DHX34: variants seen among roughly 807,000 people sequenced by gnomAD.
The protein encoded by DHX34 is DExH-box helicase 34, also known as probable ATP-dependent RNA helicase DHX34.
In DHX34, 96 loss-of-function variants were observed where a neutral mutation model predicts 111.1. That is an observed-to-expected ratio of 0.86 (90% CI 0.73 to 1.02). DHX34 has a LOEUF of 1.02. Ranked by LOEUF, DHX34 falls within the 50% of genes least tolerant of loss-of-function variation. The pLI, the probability that DHX34 is intolerant of heterozygous loss-of-function variation, is 0.00. For missense variants in DHX34, 1,560 were observed against 1,579.9 expected (o/e 0.99, Z 0.21); for synonymous variants, 688 against 670.4 (o/e 1.03, Z -0.41).
chr19:47,372,786 G>C lies in DHX34; in HGVS notation c.1825G>C (p.Ala609Pro). The change falls in exon 8 of 17, where the codon GCA becomes CCA. Residue 609 changes from alanine (A) to proline (P), a missense_variant. Ala to Pro is a conservative substitution (Grantham distance 27). Transcript: ENST00000328771. The part of the protein sequence containing the change: ...FSLVEPVLTI[A>P]AALSVQSPFT... The stretch of plus-strand genomic sequence containing the variant: ...CCTGGTGGAGCCTGTGCTCACCATC[G>C]CAGCCGCACTTAGCGTCCAGTCGCC... The C allele has an allele frequency of 6.2e-7, 1 of 1,612,586 alleles. No homozygotes were observed. The highest frequency in any genetic ancestry group is 8.5e-7 in the Non-Finnish European group (1 of 1,179,414).
intron 7 of DHX34, 187 bp from the exon 8 acceptor site, chr19:47,372,542 CA>C: frequency 1.1e-6 from 1 of 948,924 alleles, no homozygotes; most frequent in Non-Finnish European, 1.3e-6. Context: ...GGCCCTTGCC[CA>C]TGGCCACGTG....
Position 47,377,204 on chromosome 19 carries a change from C to T in DHX34, c.2704C>T (p.Gln902Ter). The change falls in exon 13 of 17, where the codon CAG becomes TAG. Residue 902 changes from glutamine to a stop codon, truncating the protein, a stop_gained and splice_region_variant. Coordinates refer to ENST00000328771, the MANE Select transcript of DHX34 (RefSeq NM_014681.6). LOFTEE classifies it high-confidence loss of function. ...GAACTGCGTCCGCATCCCTGCCCTCCAGGTGGGCCTCTGCCCCACCCCGCC... is the reference window on the plus strand; with the variant it reads ...GAACTGCGTCCGCATCCCTGCCCTCTAGGTGGGCCTCTGCCCCACCCCGCC... Reference protein sequence around the residue: ...LVNCVRIPALQSLLLFSRSLD... With the variant: ...LVNCVRIPAL 6.2e-7 allele frequency: 1 copy of T among 1,612,644 alleles called. No individual in the cohort carries two copies. Among genetic ancestry groups the T allele is most frequent in the Non-Finnish European group, 8.5e-7 (1 of 1,179,392 alleles).
intron 6 of DHX34, 140 bp from the exon 7 acceptor site, chr19:47,366,841 T>A: frequency 7.4e-7 from 1 of 1,356,338 alleles, no homozygotes; most frequent in Non-Finnish European, 9.5e-7. Context: ...TTCAAAGTGC[T>A]GGGATTACAG....
At chr19:47,378,217 C>T (rs1201752340) in intron 13 of DHX34, among the ~76,000 whole-genome samples, 1 of 152,172 alleles carries the variant, frequency 6.6e-6, no homozygotes, top group Non-Finnish European at 1.5e-5. Flanking sequence ...GCCACCAACA[C>T]CACAAAAGCC....
In DHX34 at chr19:47,375,941, T is replaced by A; in HGVS notation, c.2325T>A (p.Leu775=). The change falls in exon 11 of 17, where the codon CTT becomes CTA. Residue 775 remains leucine (L), a synonymous_variant. Coordinates refer to ENST00000328771, the MANE Select transcript of DHX34 (RefSeq NM_014681.6). The stretch of plus-strand genomic sequence containing the variant: ...CCCCCCAGGATGTGAAGTTCAAGCT[T>A]CGGCATGACCTGGCGCAGCTGCAGG... ...GVDIQDVKFK[L]RHDLAQLQAA... 14 of 1,602,042 alleles carry A rather than the reference T, an allele frequency of 8.7e-6. No homozygotes were observed. Among genetic ancestry groups the A allele is most frequent in the Non-Finnish European group, 1.2e-5 (14 of 1,177,244 alleles).
chr19:47,358,149 C>CGG, intron 4 of DHX34, 29 bp downstream of exon 4: 4 of 1,592,788 alleles, frequency 2.5e-6, no homozygotes, highest in Non-Finnish European at 3.4e-6. Flanking sequence ...GTGGGGCAGG[C>CGG]GGGGGGTCTG....
intron 14 of DHX34, 127 bp downstream of exon 14, chr19:47,380,112 C>A: frequency 7.1e-7 from 1 of 1,409,854 alleles, no homozygotes; most frequent in Non-Finnish European, 9.4e-7. Flanking sequence ...TTTCAGGCCA[C>A]AGAGGTTCAG....
At chr19:47,355,476 T>C in intron 3 of DHX34, 126 bp downstream of exon 3, 11 of 1,396,572 alleles carry the variant, frequency 7.9e-6, no homozygotes, top group Non-Finnish European at 8.7e-6. Flanking sequence ...TCTCTTTTTT[T>C]AAAGCTACCA....
rs1455755128 is a variant in DHX34 at position 47,353,873 on chromosome 19, A to G, written c.705+138A>G. ...ATGATTCTTCTAGAACTTTATCCAC[A>G]GAGTGGCTTGTCTGTGGTCTACATG... On this transcript the variant is annotated intron_variant, in intron 2 of 16. Transcript: ENST00000328771. The surrounding 1 kb of genome is among the most constrained non-coding windows in gnomAD (Gnocchi z 4.6). 3.5e-6 allele frequency: 3 copies of G among 864,974 alleles called. No individual in the cohort carries two copies. Among genetic ancestry groups the G allele is most frequent in the East Asian group, 2.7e-5 (1 of 37,112 alleles). The allele number at this position is 864,974 out of a possible 1,614,324, so 53.6% of individuals were successfully genotyped here.
chr19:47,382,359 TTCC>T lies in DHX34; in HGVS notation c.*248_*250del. On this transcript the variant is annotated 3_prime_UTR_variant, in exon 17 of 17. Transcript: ENST00000328771. ...CCTCCCCAGGGTCTAGCTTTCCTTC[TTCC>T]TGCTGCAGGGTGCTGCCTGAGGGGT... 1 of 636,334 alleles carries T rather than the reference TTCC, an allele frequency of 1.6e-6. No individual in the cohort carries two copies. Among genetic ancestry groups the T allele is most frequent in the Non-Finnish European group, 2.5e-6 (1 of 404,286 alleles). The allele number at this position is 636,334 out of a possible 1,614,324, so 39.4% of individuals were successfully genotyped here. A position where few individuals can be genotyped will look rare whatever the true frequency, so the allele number is the denominator to read the frequency against.
At chr19:47,376,734 CA>C in intron 12 of DHX34, 174 bp downstream of exon 12, 2 of 1,425,910 alleles carry the variant, frequency 1.4e-6, no homozygotes, top group Non-Finnish European at 1.9e-6. Flanking sequence ...TTGGGTGACT[CA>C]CCCCTGCTGG....
rs767970186 is a variant in DHX34 at position 47,381,217 on chromosome 19, G to A, written c.3191G>A (p.Arg1064Gln). The change falls in exon 16 of 17, where the codon CGA becomes CAA. Residue 1064 changes from arginine (R) to glutamine (Q), a missense_variant. Arg to Gln is a conservative substitution (Grantham distance 43). Coordinates refer to ENST00000328771, the MANE Select transcript of DHX34 (RefSeq NM_014681.6). The part of the protein sequence containing the change: ...NDTDLYSDCL[R>Q]TFWTCPHCGL... ...ACAGACCTGTACAGCGACTGTCTCC[G>A]AACCTTCTGGACCTGCCCCCACTGT... The A allele has an allele frequency of 1.7e-5, 28 of 1,614,016 alleles. No individual in the cohort carries two copies. Among genetic ancestry groups the A allele is most frequent in the Non-Finnish European group, 2.2e-5 (26 of 1,179,908 alleles).
At chr19:47,373,548 C>T (rs764250249) in intron 8 of DHX34, 51 bp from the exon 9 acceptor site, 5 of 1,587,558 alleles carry the variant, frequency 3.1e-6, no homozygotes, top group Non-Finnish European at 4.3e-6. Context: ...CAGCCCCTCC[C>T]TCCCCGCACT....
At chr19:47,356,822 G>T (rs894083808) in intron 3 of DHX34, among the ~76,000 whole-genome samples, 2 of 151,856 alleles carry the variant, frequency 1.3e-5, no homozygotes, top group Non-Finnish European at 2.9e-5. Context: ...GAGTGGTGGT[G>T]CGCCCCTGTT....
chr19:47,368,611 AATGT>A (rs1206742109), intron 7 of DHX34, among the ~76,000 whole-genome samples: 2 of 121,876 alleles, frequency 1.6e-5, no homozygotes, highest in Non-Finnish European at 3.3e-5. Flanking sequence ...CGGTCCATTG[AATGT>A]GTGTGTGTGT....
chr19:47,370,837 C>T (rs1306033868), intron 7 of DHX34, among the ~76,000 whole-genome samples: 1 of 152,174 alleles, frequency 6.6e-6, no homozygotes, highest in Admixed American at 6.5e-5. Flanking sequence ...CCACCACACT[C>T]AGTTTTTGTA....
intron 6 of DHX34, among the ~76,000 whole-genome samples, 200 bp downstream of exon 6, chr19:47,362,893 G>C (rs3112441): frequency 0.11 from 16,402 of 151,928 alleles, 1,311 homozygotes; most frequent in African/African-American, 0.22. Flanking sequence ...ACCTCCACCT[G>C]CCAAGTAGCT....
At position 47,382,151 on chromosome 19, in the gene DHX34, C is replaced by G. The variant is rs781381861; in HGVS notation, c.*38C>G. 1 of 1,610,364 alleles carries G rather than the reference C, an allele frequency of 6.2e-7. No homozygotes were observed. The highest frequency in any genetic ancestry group is 1.1e-5 in the South Asian group (1 of 90,866). On this transcript the variant is annotated 3_prime_UTR_variant, in exon 17 of 17. Transcript: ENST00000328771. ...GCCCTGCCCACCTCCGTGCAGCTGA[C>G]CTGCCCTCCAGCCCAGGACTAGGGG...
intron 7 of DHX34, among the ~76,000 whole-genome samples, chr19:47,371,487 G>T (rs1969964111): frequency 6.6e-6 from 1 of 152,222 alleles, no homozygotes; most frequent in Non-Finnish European, 1.5e-5. Context: ...GCGAGGTGGG[G>T]CCACTTTTCC....
Sources: allele counts gnomAD v4.1 joint callset (sites outside exome capture counted in the v4.1 genomes callset), GRCh38; gene constraint gnomAD v4.1.1; non-coding constraint Gnocchi (gnomAD v3.1); transcripts MANE v1.5; gene names NCBI Gene and HGNC (gene_info 2026-07-23, HGNC 2026-07-21).